Variants in SYNDIG1 observed in about 807,000 individuals in gnomAD.
SYNDIG1 encodes synapse differentiation-inducing gene protein 1.
Under a neutral mutation model 19.4 loss-of-function variants are expected in SYNDIG1, and 9 were observed. The ratio of observed to expected loss-of-function variants is 0.46; its 90% CI spans 0.28 to 0.81. The LOEUF (loss-of-function observed/expected upper bound fraction) is 0.81. Ranked by LOEUF, SYNDIG1 falls within the 30% of genes least tolerant of loss-of-function variation. SYNDIG1 has a pLI of 0.12. For missense variants in SYNDIG1, 311 were observed against 343.3 expected (o/e 0.91, Z 0.74); for synonymous variants, 141 against 145.9 (o/e 0.97, Z 0.24).
chr20:24,608,394 T>C (rs2058795425), intron 3 of SYNDIG1, among the ~76,000 whole-genome samples: 1 of 151,982 alleles, frequency 6.6e-6, no homozygotes, highest in Admixed American at 6.6e-5. Flanking sequence ...GGCCAGGCTG[T>C]TCTCAAACTC....
chr20:24,572,569 G>T (rs1458849851), intron 2 of SYNDIG1, among the ~76,000 whole-genome samples: 1 of 152,198 alleles, frequency 6.6e-6, no homozygotes, highest in African/African-American at 2.4e-5. Flanking sequence ...CTGGAGTAAG[G>T]TGGTTCTCAT....
At chr20:24,496,912 A>C (rs2056317721) in intron 1 of SYNDIG1, among the ~76,000 whole-genome samples, 1 of 152,110 alleles carries the variant, frequency 6.6e-6, no homozygotes, top group African/African-American at 2.4e-5. Flanking sequence ...CTCAATTTCT[A>C]TGCCTTCCCC....
intron 3 of SYNDIG1, among the ~76,000 whole-genome samples, chr20:24,585,376 A>G (rs546657117): frequency 1.3e-5 from 2 of 152,314 alleles, no homozygotes; most frequent in South Asian, 4.2e-4. Context: ...GGTGGGCTAC[A>G]TTGAACTTAA....
intron 1 of SYNDIG1, among the ~76,000 whole-genome samples, chr20:24,512,823 GCCT>G (rs1457058399): frequency 2.0e-5 from 3 of 152,242 alleles, no homozygotes; most frequent in Admixed American, 6.5e-5. Flanking sequence ...CAGACAGACT[GCCT>G]CCTCAAGTGG....
At chr20:24,523,862 C>T (rs182607493) in intron 1 of SYNDIG1, among the ~76,000 whole-genome samples, 3 of 152,278 alleles carry the variant, frequency 2.0e-5, no homozygotes, top group Non-Finnish European at 2.9e-5. Context: ...GTGAAGCCCA[C>T]GGGTGTTTGT....
At chr20:24,493,473 GCA>G (rs1219687972) in intron 1 of SYNDIG1, among the ~76,000 whole-genome samples, 2 of 152,122 alleles carry the variant, frequency 1.3e-5, no homozygotes, top group Non-Finnish European at 2.9e-5. Flanking sequence ...ACATACATGG[GCA>G]CACACACATC....
At chr20:24,515,299 G>A (rs990179187) in intron 1 of SYNDIG1, among the ~76,000 whole-genome samples, 2 of 152,100 alleles carry the variant, frequency 1.3e-5, no homozygotes, top group African/African-American at 2.4e-5. Flanking sequence ...AGGAGATAGA[G>A]ACACAAAAAA....
At chr20:24,628,001 T>C (rs966141765) in intron 3 of SYNDIG1, among the ~76,000 whole-genome samples, 38 of 152,330 alleles carry the variant, frequency 2.5e-4, no homozygotes, top group African/African-American at 8.9e-4. Flanking sequence ...GTGTGCAGCG[T>C]GGATGTTAAA....
chr20:24,470,836 G>T (rs1223484108), intron 1 of SYNDIG1, among the ~76,000 whole-genome samples: 2 of 152,162 alleles, frequency 1.3e-5, no homozygotes, highest in Non-Finnish European at 1.5e-5. Flanking sequence ...GGTGCGCACA[G>T]TCCTCCTGCG....
At chr20:24,601,477 A>G (rs887154881) in intron 3 of SYNDIG1, among the ~76,000 whole-genome samples, 7 of 152,090 alleles carry the variant, frequency 4.6e-5, no homozygotes, top group African/African-American at 1.7e-4. Context: ...CCTTTCTTTA[A>G]TATCGATATC....
chr20:24,602,046 T>C (rs2058687170), intron 3 of SYNDIG1, among the ~76,000 whole-genome samples: 1 of 152,146 alleles, frequency 6.6e-6, no homozygotes, highest in Admixed American at 6.5e-5. Flanking sequence ...TCAGATCACC[T>C]ACAACCCTTC....
intron 1 of SYNDIG1, among the ~76,000 whole-genome samples, chr20:24,504,156 C>T (rs1240627642): frequency 6.6e-6 from 1 of 152,154 alleles, no homozygotes; most frequent in Non-Finnish European, 1.5e-5. Context: ...GACAGGGCTT[C>T]ACCGTGTTAG....
chr20:24,514,377 C>T (rs568176477), intron 1 of SYNDIG1, among the ~76,000 whole-genome samples: 2 of 152,112 alleles, frequency 1.3e-5, no homozygotes, highest in Admixed American at 1.3e-4. Flanking sequence ...ATTCAGGAGA[C>T]CCATCTCATG....
chr20:24,508,841 A>G (rs2056671015), intron 1 of SYNDIG1, among the ~76,000 whole-genome samples: 1 of 152,206 alleles, frequency 6.6e-6, no homozygotes. Flanking sequence ...AACTGAAGAA[A>G]AGGGGAATAA....
intron 3 of SYNDIG1, among the ~76,000 whole-genome samples, chr20:24,604,219 A>G (rs560381480): frequency 9.2e-5 from 14 of 152,202 alleles, no homozygotes; most frequent in African/African-American, 3.4e-4. Context: ...ATAATCATCC[A>G]TAAGTGTGGG....
chr20:24,624,036 A>G (rs552303713), intron 3 of SYNDIG1, among the ~76,000 whole-genome samples: 3 of 152,226 alleles, frequency 2.0e-5, no homozygotes, highest in African/African-American at 7.2e-5. Context: ...GCCAAGGCCG[A>G]CGAATCACGA....
rs182590979 is a variant in SYNDIG1, at chr20:24,627,074, G to A, written c.619-38272G>A. Among the ~76,000 whole-genome samples, 13 of 151,938 alleles carry A rather than the reference G, an allele frequency of 8.6e-5. No homozygotes were observed. In the East Asian group the frequency reaches 2.5e-3, roughly 30 times the overall value. On this transcript the variant is annotated intron_variant, in intron 3 of 3. Coordinates refer to ENST00000376862, the MANE Select transcript of SYNDIG1 (RefSeq NM_024893.3). ...ATGAGAGGGAGACCGTGGAAAGAGAGGGAGAGGGAGACCGTGGGGAGAGGG... is the reference window on the plus strand; with the variant it reads ...ATGAGAGGGAGACCGTGGAAAGAGAAGGAGAGGGAGACCGTGGGGAGAGGG...
At chr20:24,533,940 G>A (rs2057312089) in intron 1 of SYNDIG1, among the ~76,000 whole-genome samples, 1 of 152,284 alleles carries the variant, frequency 6.6e-6, no homozygotes, top group Non-Finnish European at 1.5e-5. Context: ...TTGGGCTTAC[G>A]GTTCTGCAGG....
intron 2 of SYNDIG1, among the ~76,000 whole-genome samples, chr20:24,543,787 G>T (rs1482029081): frequency 6.6e-6 from 1 of 152,188 alleles, no homozygotes; most frequent in African/African-American, 2.4e-5. Context: ...ACCCAGGGGC[G>T]CTTCACCGGT....
Sources: gnomAD v4.1 joint callset for allele counts (sites outside exome capture counted in the v4.1 genomes callset) on GRCh38, gnomAD v4.1.1 for gene constraint, MANE v1.5 for transcripts, NCBI Gene and HGNC (gene_info 2026-07-23, HGNC 2026-07-21) for gene names.